The following PDIA3 variants were observed in gnomAD, a reference collection of about 807,000 sequenced individuals.
The protein encoded by PDIA3 is protein disulfide-isomerase A3.
Under a neutral mutation model 56.9 loss-of-function variants are expected in PDIA3, and 16 were observed. The ratio of observed to expected loss-of-function variants is 0.28; its 90% CI spans 0.19 to 0.43. The LOEUF (loss-of-function observed/expected upper bound fraction) is 0.43. Ranked by LOEUF, PDIA3 falls within the 20% of genes least tolerant of loss-of-function variation. PDIA3 has a pLI of 1.00. For missense variants in PDIA3, 485 were observed against 621.3 expected (o/e 0.78, Z 2.33); for synonymous variants, 192 against 216.5 (o/e 0.89, Z 0.99).
At chr15:43,766,687 C>G (rs769959278) in intron 7 of PDIA3, 41 bp from the exon 8 acceptor site, 1 of 1,564,294 alleles carries the variant, frequency 6.4e-7, no homozygotes, top group Non-Finnish European at 8.8e-7. Flanking sequence ...TGCTTGACCA[C>G]CCTGTATAGT....
intron 4 of PDIA3, among the ~76,000 whole-genome samples, chr15:43,762,697 T>C (rs902846037): frequency 5.8e-4 from 88 of 152,294 alleles, no homozygotes; most frequent in African/African-American, 1.9e-3. Context: ...AAGACAAATA[T>C]AGAGAAGGAA....
At chr15:43,757,359 C>A (rs978081558) in intron 3 of PDIA3, among the ~76,000 whole-genome samples, 7 of 151,848 alleles carry the variant, frequency 4.6e-5, no homozygotes, top group Admixed American at 4.6e-4. Flanking sequence ...GAGATCGAGA[C>A]CATCCTGGCT....
chr15:43,764,033 A>C (rs573348343), intron 5 of PDIA3, among the ~76,000 whole-genome samples: 1 of 152,358 alleles, frequency 6.6e-6, no homozygotes, highest in East Asian at 1.9e-4. Flanking sequence ...AGTGCCATAC[A>C]AAAGAGCTTT....
chr15:43,770,407 T>G, intron 11 of PDIA3, 78 bp downstream of exon 11: 1 of 1,394,250 alleles, frequency 7.2e-7, no homozygotes, highest in East Asian at 2.3e-5. Flanking sequence ...AAATCATTAC[T>G]AGACATAGTT....
chr15:43,756,559 G>A (rs2086779581), intron 2 of PDIA3, 90 bp from the exon 3 acceptor site: 1 of 787,324 alleles, frequency 1.3e-6, no homozygotes, highest in Admixed American at 1.9e-5. Flanking sequence ...ATCCCCTTAG[G>A]ATTTGACCAA....
intron 2 of PDIA3, among the ~76,000 whole-genome samples, chr15:43,756,432 T>G (rs2086778850): frequency 1.3e-5 from 2 of 152,240 alleles, no homozygotes; most frequent in African/African-American, 4.8e-5. Context: ...GCATTTTATG[T>G]GAGGCCTAGG....
At position 43,771,597 on chromosome 15, in the gene PDIA3, C is replaced by G. The variant is rs2086882457; in HGVS notation, c.*379C>G. 4 of 422,798 alleles carry G rather than the reference C, an allele frequency of 9.5e-6. No individual in the cohort carries two copies. Among genetic ancestry groups the G allele is most frequent in the Non-Finnish European group, 1.7e-5 (4 of 241,120 alleles). 26.2% of individuals were successfully genotyped at this position (422,798 alleles called of 1,614,324 possible). A position where few individuals can be genotyped will look rare whatever the true frequency, so the allele number is the denominator to read the frequency against. ...ATGTTCTCTACACACTATCACTGTT[C>G]AATAGAGCTTTCTTCAGTGATGGAA... On this transcript the variant is annotated 3_prime_UTR_variant, in exon 13 of 13. Coordinates refer to ENST00000300289, the MANE Select transcript of PDIA3 (RefSeq NM_005313.5).
At position 43,767,148 on chromosome 15, in the gene PDIA3, G is replaced by A. The variant is rs145984938; in HGVS notation, c.1028+238G>A. 6.9e-3 allele frequency among the ~76,000 whole-genome samples: 1,048 copies of A among 151,442 alleles called. 18 individuals are homozygous for A. Among genetic ancestry groups the A allele is most frequent in the East Asian group, 0.047 (236 of 5,058 alleles). Reference sequence around the variant, plus strand: ...GTGGATCGCCTAAGGTCGGGAGTTCGAGACCAGCCTGACCAACATAGAGAA... The same window carrying A: ...GTGGATCGCCTAAGGTCGGGAGTTCAAGACCAGCCTGACCAACATAGAGAA... On this transcript the variant is annotated intron_variant, in intron 8 of 12. Coordinates refer to ENST00000300289, the MANE Select transcript of PDIA3 (RefSeq NM_005313.5).
intron 9 of PDIA3, 42 bp downstream of exon 9, chr15:43,768,639 G>A: frequency 7.8e-7 from 1 of 1,287,318 alleles, no homozygotes; most frequent in Non-Finnish European, 1.1e-6. Flanking sequence ...GCAATTGCCT[G>A]TCCTCATTTC....
rs113975941 is a variant in PDIA3, at chr15:43,755,868, C to T, written c.247-781C>T. On this transcript the variant is annotated intron_variant, in intron 2 of 12. Coordinates refer to ENST00000300289, the MANE Select transcript of PDIA3 (RefSeq NM_005313.5). ...GGTAGAGGTTGCAGTGAGCTGAGTTCGTGCCATTGCACTCCAGCCTGGGCA... is the reference window on the plus strand; with the variant it reads ...GGTAGAGGTTGCAGTGAGCTGAGTTTGTGCCATTGCACTCCAGCCTGGGCA... 5.0e-3 allele frequency among the ~76,000 whole-genome samples: 749 copies of T among 150,764 alleles called. 4 individuals are homozygous for T. The highest frequency in any genetic ancestry group is 0.015 in the African/African-American group (630 of 40,974).
intron 1 of PDIA3, chr15:43,752,815 CCTT>C (rs1567155391): frequency 2.1e-6 from 1 of 471,100 alleles, no homozygotes; most frequent in Admixed American, 2.3e-5. Context: ...ACAGAACTCA[CCTT>C]CTCAACGTGA....
At chr15:43,762,142 G>C (rs909267895) in intron 4 of PDIA3, among the ~76,000 whole-genome samples, 1 of 152,072 alleles carries the variant, frequency 6.6e-6, no homozygotes, top group Admixed American at 6.6e-5. Context: ...TGTGATATAT[G>C]ATAAATTTGA....
rs148539311 is a variant in PDIA3 at position 43,767,167 on chromosome 15, T to C, written c.1028+257T>C. Among the ~76,000 whole-genome samples the C allele has an allele frequency of 6.9e-3, 1,041 of 151,670 alleles. 16 individuals are homozygous for C. Among genetic ancestry groups the C allele is most frequent in the East Asian group, 0.046 (235 of 5,074 alleles). On this transcript the variant is annotated intron_variant, in intron 8 of 12. Transcript: ENST00000300289. ...GAGTTCGAGACCAGCCTGACCAACA[T>C]AGAGAAACCCCGTCTCTACTAAAAA... is the stretch of plus-strand genomic sequence containing the variant.
At chr15:43,750,908 A>C (rs2086739453) in intron 1 of PDIA3, among the ~76,000 whole-genome samples, 1 of 152,094 alleles carries the variant, frequency 6.6e-6, no homozygotes, top group Admixed American at 6.6e-5. Context: ...CAAGGTGGGC[A>C]GATCACGAGG....
At chr15:43,761,220 C>A (rs570341237) in intron 3 of PDIA3, among the ~76,000 whole-genome samples, 10 of 133,456 alleles carry the variant, frequency 7.5e-5, no homozygotes, top group African/African-American at 2.8e-4. Flanking sequence ...CCAGCCTGGG[C>A]GACAGAGCGA....
intron 1 of PDIA3, among the ~76,000 whole-genome samples, chr15:43,748,855 G>A (rs1194568345): frequency 2.7e-5 from 4 of 150,832 alleles, no homozygotes; most frequent in Admixed American, 6.6e-5. Context: ...TGCAACCTCC[G>A]CCTCTTGGGT....
chr15:43,759,661 A>C (rs758172419), intron 3 of PDIA3, among the ~76,000 whole-genome samples: 39 of 152,238 alleles, frequency 2.6e-4, no homozygotes, highest in Non-Finnish European at 4.0e-4. Flanking sequence ...AATGAATAGT[A>C]AACAAAATAC....
intron 4 of PDIA3, among the ~76,000 whole-genome samples, chr15:43,762,466 G>A (rs549216183): frequency 2.7e-5 from 4 of 149,996 alleles, no homozygotes; most frequent in South Asian, 2.1e-4. Flanking sequence ...AGCTAAGATC[G>A]CGCCATTGTA....
In PDIA3 at chr15:43,758,582, C is replaced by T. The variant is rs149468939; in HGVS notation, c.364+1816C>T. Among the ~76,000 whole-genome samples, 196 of 149,618 alleles carry T rather than the reference C, an allele frequency of 1.3e-3. 3 individuals carry two copies. The East Asian group carries it at 0.031, about 23-fold the overall frequency. On this transcript the variant is annotated intron_variant, in intron 3 of 12. Transcript: ENST00000300289. ...CTGAGGCAGGAGGATCACTTGAGCC[C>T]GGGAGGCAGAGGTTGTAGTGAGTCG... is the stretch of plus-strand genomic sequence containing the variant.
Sources: allele counts gnomAD v4.1 joint callset (sites outside exome capture counted in the v4.1 genomes callset), GRCh38; gene constraint gnomAD v4.1.1; transcripts MANE v1.5; gene names NCBI Gene and HGNC (gene_info 2026-07-23, HGNC 2026-07-21).